Variants in OSR2 observed in about 807,000 individuals in gnomAD.
OSR2 encodes odd-skipped related transciption factor 2.
A neutral mutation model predicts 22.3 loss-of-function variants in OSR2; 8 were observed. The observed-to-expected ratio is 0.36, with a 90% confidence interval of 0.21 to 0.65. OSR2 has a LOEUF of 0.65. Ranked by LOEUF, OSR2 falls within the 30% of genes least tolerant of loss-of-function variation. OSR2 has a pLI of 0.66. For synonymous variants in OSR2, 179 were observed against 173.8 expected (o/e 1.03, Z -0.23); for missense variants, 311 against 413.4 (o/e 0.75, Z 2.15).
At position 98,944,692 on chromosome 8, in the gene OSR2, T is replaced by TCC. The variant is rs1840551620; in HGVS notation, c.-245_-244dup. On this transcript the variant is annotated 5_prime_UTR_variant, in exon 1 of 4. It introduces an in-frame stop codon into an upstream open reading frame of the 5' UTR. Coordinates refer to ENST00000297565, the MANE Select transcript of OSR2 (RefSeq NM_001142462.3). ...GCTGCTCGCGGTCCTCCAGATCATG[T>TCC]CCGCGACTCCTGCGACTCCGCGCGG... 6.6e-6 allele frequency: 1 copy of TCC among 152,276 alleles called. No homozygotes were observed. Among genetic ancestry groups the TCC allele is most frequent in the African/African-American group, 2.4e-5 (1 of 41,452 alleles). 9.4% of individuals were successfully genotyped at this position (152,276 alleles called of 1,614,324 possible).
Position 98,949,752 on chromosome 8 carries a change from T to C in OSR2, c.656+144T>C, listed in dbSNP as rs1840728263. 7.9e-6 allele frequency: 8 copies of C among 1,011,572 alleles called. No homozygotes were observed. The East Asian group carries it at 1.3e-4, about 17-fold the overall frequency. The allele number at this position is 1,011,572 out of a possible 1,614,324, so 62.7% of individuals were successfully genotyped here. A position where few individuals can be genotyped will look rare whatever the true frequency, so the allele number is the denominator to read the frequency against. ...GTCACGCTCCTCAGCCCGGTTCAGC[T>C]AATTCCCAACATCTACCCTTTCTTT... On this transcript the variant is annotated intron_variant, in intron 2 of 3. Coordinates refer to ENST00000297565, the MANE Select transcript of OSR2 (RefSeq NM_001142462.3). The surrounding 1 kb of genome is among the most constrained non-coding windows in gnomAD (Gnocchi z 5.9).
chr8:98,949,342 GC>G lies in OSR2; in HGVS notation c.392del (p.Pro131LeufsTer6). 6.2e-7 allele frequency: 1 copy of G among 1,612,990 alleles called. No homozygotes were observed. Among genetic ancestry groups the G allele is most frequent in the Non-Finnish European group, 8.5e-7 (1 of 1,179,324 alleles). ...LAVAATQEDP[P>X]KMGDLSKLSP... The stretch of plus-strand genomic sequence containing the variant: ...CGGTGGCTGCCACGCAAGAGGATCC[GC>G]CTAAGATGGGAGACCTGAGCAAGCT... On this transcript the variant is annotated frameshift_variant, in exon 2 of 4. Transcript: ENST00000297565. LOFTEE classifies it high-confidence loss of function. The surrounding 1 kb of genome is among the most constrained non-coding windows in gnomAD (Gnocchi z 5.9).
chr8:98,945,631 C>T (rs1376468448), intron 1 of OSR2, among the ~76,000 whole-genome samples: 1 of 152,156 alleles, frequency 6.6e-6, no homozygotes, highest in Non-Finnish European at 1.5e-5. Context: ...GAAACAGAAC[C>T]TAGATTATGC....
At chr8:98,950,462 G>A (rs1034376461) in intron 2 of OSR2, among the ~76,000 whole-genome samples, 194 bp from the exon 3 acceptor site, 1 of 152,012 alleles carries the variant, frequency 6.6e-6, no homozygotes, top group East Asian at 1.9e-4. Context: ...AAGCCCGCGG[G>A]CTGGTGAATA....
chr8:98,950,964 A>C, intron 3 of OSR2: 2 of 603,826 alleles, frequency 3.3e-6, no homozygotes, highest in Non-Finnish European at 5.8e-6. Flanking sequence ...AAAAACGGCC[A>C]CTTTGATTAT....
At position 98,948,273 on chromosome 8, in the gene OSR2, G is replaced by T. The variant is rs539132239; in HGVS notation, c.-114-566G>T. 38 of 1,513,108 alleles carry T rather than the reference G, an allele frequency of 2.5e-5. No individual in the cohort carries two copies. The highest frequency in any genetic ancestry group is 3.1e-5 in the Non-Finnish European group (35 of 1,133,444). The allele number at this position is 1,513,108 out of a possible 1,614,324, so 93.7% of individuals were successfully genotyped here. On this transcript the variant is annotated intron_variant, in intron 1 of 3. Coordinates refer to ENST00000297565, the MANE Select transcript of OSR2 (RefSeq NM_001142462.3). The surrounding 1 kb of genome is among the most constrained non-coding windows in gnomAD (Gnocchi z 6.0). ...CCTCTGGCCCAGGAGGATGAAGCGC[G>T]CCGGCTTCGCTCTTGCACGCCGGCT...
At chr8:98,950,876 T>TG in intron 3 of OSR2, 121 bp downstream of exon 3, 1 of 710,698 alleles carries the variant, frequency 1.4e-6, no homozygotes, top group Non-Finnish European at 2.5e-6. Flanking sequence ...GTTCTCTAGG[T>TG]GGGGAAAAGC....
In OSR2 at chr8:98,951,808, T is replaced by G; in HGVS notation, c.*107T>G. On this transcript the variant is annotated 3_prime_UTR_variant, in exon 4 of 4. Coordinates refer to ENST00000297565, the MANE Select transcript of OSR2 (RefSeq NM_001142462.3). ...CCTAGCCCTTCACTGACCCCAGCTCTTCCCTTGCTGCAGCCGCACCTGCAG... is the reference window on the plus strand; with the variant it reads ...CCTAGCCCTTCACTGACCCCAGCTCGTCCCTTGCTGCAGCCGCACCTGCAG... 5 of 1,146,638 alleles carry G rather than the reference T, an allele frequency of 4.4e-6. No individual in the cohort carries two copies. The highest frequency in any genetic ancestry group is 6.0e-6 in the Non-Finnish European group (5 of 831,378). 71.0% of individuals were successfully genotyped at this position (1,146,638 alleles called of 1,614,324 possible).
chr8:98,949,520 C>T lies in OSR2; in HGVS notation c.568C>T (p.His190Tyr). The T allele has an allele frequency of 6.2e-7, 1 of 1,614,154 alleles. No homozygotes were observed. The highest frequency in any genetic ancestry group is 8.5e-7 in the Non-Finnish European group (1 of 1,179,990). Reference protein sequence around the residue: ...HFTKSYNLLIHERTHTDERPY... With the variant: ...HFTKSYNLLIYERTHTDERPY... ...TACCAAATCCTACAATTTGCTCATCCATGAGAGGACCCACACGGACGAGAG... is the reference window on the plus strand; with the variant it reads ...TACCAAATCCTACAATTTGCTCATCTATGAGAGGACCCACACGGACGAGAG... Residue 190 changes from histidine (H) to tyrosine (Y), a missense_variant, in exon 2 of 4, where the codon CAT (histidine) becomes TAT (tyrosine). Transcript: ENST00000297565. The surrounding 1 kb of genome is among the most constrained non-coding windows in gnomAD (Gnocchi z 5.9).
chr8:98,950,063 A>G (rs1840736071), intron 2 of OSR2, among the ~76,000 whole-genome samples: 1 of 137,164 alleles, frequency 7.3e-6, no homozygotes, highest in East Asian at 2.6e-4. Context: ...TTGTGGGTTG[A>G]GAGGGGGAGG....
At position 98,948,409 on chromosome 8, in the gene OSR2, A is replaced by G. The variant is rs946716530; in HGVS notation, c.-114-430A>G. ...ACCGTTCCCAGGAGCTCCGAGGCGC[A>G]GCGGCGACAGAGGTTCGCCCCGGCC... On this transcript the variant is annotated intron_variant, in intron 1 of 3. Coordinates refer to ENST00000297565, the MANE Select transcript of OSR2 (RefSeq NM_001142462.3). The surrounding 1 kb of genome is among the most constrained non-coding windows in gnomAD (Gnocchi z 6.0). 1.6e-6 allele frequency: 2 copies of G among 1,273,484 alleles called. No individual in the cohort carries two copies. The highest frequency in any genetic ancestry group is 1.6e-5 in the African/African-American group (1 of 60,908). 78.9% of individuals were successfully genotyped at this position (1,273,484 alleles called of 1,614,324 possible). A position where few individuals can be genotyped will look rare whatever the true frequency, so the allele number is the denominator to read the frequency against.
intron 2 of OSR2, 87 bp from the exon 3 acceptor site, chr8:98,950,569 T>C: frequency 1.2e-6 from 1 of 800,290 alleles, no homozygotes; most frequent in South Asian, 1.8e-5. Context: ...CTTTTGTTCT[T>C]CCACGACTTC....
chr8:98,947,605 T>C (rs1290181363), intron 1 of OSR2, among the ~76,000 whole-genome samples: 1 of 152,128 alleles, frequency 6.6e-6, no homozygotes, highest in African/African-American at 2.4e-5. Context: ...GGGCCCGCTG[T>C]GAATGTAGGT....
At position 98,951,887 on chromosome 8, in the gene OSR2, A is replaced by G. The variant is rs989783658; in HGVS notation, c.*186A>G. 16 of 596,598 alleles carry G rather than the reference A, an allele frequency of 2.7e-5. No individual in the cohort carries two copies. Among genetic ancestry groups the G allele is most frequent in the Non-Finnish European group, 4.4e-5 (15 of 338,030 alleles). 37.0% of individuals were successfully genotyped at this position (596,598 alleles called of 1,614,324 possible). A position where few individuals can be genotyped will look rare whatever the true frequency, so the allele number is the denominator to read the frequency against. On this transcript the variant is annotated 3_prime_UTR_variant, in exon 4 of 4. Transcript: ENST00000297565. ...GACTGAGAACTGTAGAAAGCCACAC[A>G]CTACTACATCCCTTCACAAAGAGTA...
chr8:98,948,491 G>A lies in OSR2; in HGVS notation c.-114-348G>A. ...TCGCCTAACAGGCTTGGGGAGGGTG[G>A]GCTGGGCTGGGCTGGGCTGGGCTGG... On this transcript the variant is annotated intron_variant, in intron 1 of 3. Coordinates refer to ENST00000297565, the MANE Select transcript of OSR2 (RefSeq NM_001142462.3). The surrounding 1 kb of genome is among the most constrained non-coding windows in gnomAD (Gnocchi z 6.0). The A allele has an allele frequency of 7.8e-7, 1 of 1,277,850 alleles. No individual in the cohort carries two copies. Among genetic ancestry groups the A allele is most frequent in the Non-Finnish European group, 1.0e-6 (1 of 979,596 alleles). 79.2% of individuals were successfully genotyped at this position (1,277,850 alleles called of 1,614,324 possible).
chr8:98,945,696 G>T (rs1256428641), intron 1 of OSR2, among the ~76,000 whole-genome samples: 2 of 152,220 alleles, frequency 1.3e-5, no homozygotes, highest in Non-Finnish European at 2.9e-5. Flanking sequence ...CTCTGAAGGG[G>T]CAGGAACTTC....
chr8:98,949,484 G>A lies in OSR2; in HGVS notation c.532G>A (p.Gly178Ser), dbSNP rs1840721837. ...AAAAGAGTTTATCTGCAAGTTTTGCGGCAGACACTTTACCAAATCCTACAA... is the reference window on the plus strand; with the variant it reads ...AAAAGAGTTTATCTGCAAGTTTTGCAGCAGACACTTTACCAAATCCTACAA... ...TKKEFICKFCGRHFTKSYNLL... is the reference protein window; with the variant it reads ...TKKEFICKFCSRHFTKSYNLL... Residue 178 changes from glycine to serine, a missense_variant, in exon 2 of 4, where the codon GGC becomes AGC. Physicochemically the swap from Gly to Ser is moderately conservative, Grantham distance 56. This residue lies in a region of OSR2 where 39 missense variants were observed against 90.5 expected (regional missense o/e 0.43). Coordinates refer to ENST00000297565, the MANE Select transcript of OSR2 (RefSeq NM_001142462.3). This position sits in a 1 kb window ranked among gnomAD's most constrained non-coding sequence, Gnocchi z 5.9. 1 of 1,613,924 alleles carries A rather than the reference G, an allele frequency of 6.2e-7. No homozygotes were observed. The highest frequency in any genetic ancestry group is 1.7e-5 in the Admixed American group (1 of 60,012).
intron 1 of OSR2, among the ~76,000 whole-genome samples, chr8:98,945,762 C>T (rs1416353213): frequency 6.6e-6 from 1 of 152,144 alleles, no homozygotes; most frequent in Non-Finnish European, 1.5e-5. Context: ...TGTCCTTTAA[C>T]AATTTTTTTT....
At chr8:98,944,892 G>C (rs1196635122) in intron 1 of OSR2, 69 bp downstream of exon 1, 1 of 152,196 alleles carries the variant, frequency 6.6e-6, no homozygotes, top group Non-Finnish European at 1.5e-5. Flanking sequence ...TGTAAGAGGC[G>C]TTCAGATTCT....
Sources: allele counts gnomAD v4.1 joint callset (sites outside exome capture counted in the v4.1 genomes callset), GRCh38; gene constraint gnomAD v4.1.1; regional missense constraint gnomAD v4.1.1; non-coding constraint Gnocchi (gnomAD v3.1); transcripts MANE v1.5; gene names NCBI Gene and HGNC (gene_info 2026-07-23, HGNC 2026-07-21).